PTPRA: variants seen among roughly 807,000 people sequenced by gnomAD.
PTPRA encodes the protein protein tyrosine phosphatase receptor type A, also known as receptor-type tyrosine-protein phosphatase alpha.
PTPRA carries 25 observed loss-of-function variants against 104.8 expected under a neutral mutation model. That is an observed-to-expected ratio of 0.24 (90% CI 0.17 to 0.33). The LOEUF (loss-of-function observed/expected upper bound fraction) is 0.33. PTPRA is among the 10% of genes least tolerant of loss of function. PTPRA has a pLI of 1.00. For synonymous variants in PTPRA, 323 were observed against 368.9 expected (o/e 0.88, Z 1.43); for missense variants, 765 against 1,015.3 (o/e 0.75, Z 3.35).
At chr20:2,910,593 TTTTTTTG>T (rs1409264725) in intron 1 of PTPRA, among the ~76,000 whole-genome samples, 1 of 127,116 alleles carries the variant, frequency 7.9e-6, no homozygotes, top group Non-Finnish European at 1.6e-5. Flanking sequence ...TTTTTTGTTT[TTTTTTTG>T]TTTTTTTTAA....
chr20:2,902,925 A>G (rs1002504588), intron 1 of PTPRA, among the ~76,000 whole-genome samples: 1 of 152,144 alleles, frequency 6.6e-6, no homozygotes, highest in African/African-American at 2.4e-5. Flanking sequence ...ATGGATTTTG[A>G]AGCTGGGCTG....
intron 3 of PTPRA, among the ~76,000 whole-genome samples, chr20:2,960,158 G>A (rs575968501): frequency 2.2e-4 from 34 of 151,894 alleles, no homozygotes; most frequent in African/African-American, 7.0e-4. Flanking sequence ...GTCTACCATT[G>A]TAGTATCATA....
At position 3,037,382 on chromosome 20, in the gene PTPRA, G is replaced by T; in HGVS notation, c.2334+93G>T. On this transcript the variant is annotated intron_variant, in intron 23 of 23. Coordinates refer to ENST00000399903, the MANE Select transcript of PTPRA (RefSeq NM_001385305.1). The surrounding 1 kb of genome is among the most constrained non-coding windows in gnomAD (Gnocchi z 4.3). ...TTCAGAGGGGCCCACCCAGTAGTCA[G>T]AAGACTGTCTAAACACAGACCTGCC... 1 of 1,551,182 alleles carries T rather than the reference G, an allele frequency of 6.4e-7. No individual in the cohort carries two copies. Among genetic ancestry groups the T allele is most frequent in the Non-Finnish European group, 8.7e-7 (1 of 1,150,764 alleles).
intron 1 of PTPRA, among the ~76,000 whole-genome samples, chr20:2,883,334 A>G (rs1161237): frequency 0.64 from 96,393 of 151,128 alleles, 32,446 homozygotes; most frequent in East Asian, 0.86. Flanking sequence ...TAGTGAGTGA[A>G]AAAGGAACTA....
At chr20:2,877,417 A>G (rs1282301660) in intron 1 of PTPRA, among the ~76,000 whole-genome samples, 3 of 152,002 alleles carry the variant, frequency 2.0e-5, no homozygotes. Context: ...GTGTCACTGT[A>G]CCTGGCTAAT....
intron 12 of PTPRA, among the ~76,000 whole-genome samples, chr20:3,017,179 G>A (rs1226333497): frequency 6.6e-6 from 1 of 151,628 alleles, no homozygotes; most frequent in Admixed American, 6.6e-5. Context: ...TTTTATCTTG[G>A]GATCCTTCTA....
At chr20:3,021,542 A>G in intron 14 of PTPRA, 114 bp downstream of exon 14, 1 of 1,403,562 alleles carries the variant, frequency 7.1e-7, no homozygotes, top group Non-Finnish European at 9.7e-7. Flanking sequence ...CAGTATGTGA[A>G]TTCTGAAACC....
chr20:2,957,014 A>C (rs1480026449), intron 3 of PTPRA, among the ~76,000 whole-genome samples: 2 of 152,190 alleles, frequency 1.3e-5, no homozygotes, highest in African/African-American at 4.8e-5. Flanking sequence ...AGCCAGGCGC[A>C]GTGGCTCACG....
intron 18 of PTPRA, 50 bp downstream of exon 18, chr20:3,026,830 C>T (rs779201677): frequency 1.6e-5 from 23 of 1,423,670 alleles, no homozygotes; most frequent in Middle Eastern, 1.8e-4. Context: ...TCCCTCAATT[C>T]CCTCCACCCC....
rs577931543 is a variant in PTPRA, at chr20:2,927,647, C to T, written c.-50+4362C>T. Among the ~76,000 whole-genome samples the T allele has an allele frequency of 1.1e-4, 17 of 152,168 alleles. No homozygotes were observed. In the South Asian group the frequency reaches 3.1e-3, roughly 28 times the overall value. On this transcript the variant is annotated intron_variant, in intron 2 of 23. Transcript: ENST00000399903. ...ATTTTCCTTACTGGTTTTTCTTTGA[C>T]GGGGGTGCAGGGGAGGTTGGGTCCA...
intron 1 of PTPRA, among the ~76,000 whole-genome samples, chr20:2,878,714 A>T (rs1352831655): frequency 6.6e-6 from 1 of 152,216 alleles, no homozygotes; most frequent in East Asian, 1.9e-4. Context: ...AGTTTCCAGC[A>T]CTATCAGCAA....
intron 6 of PTPRA, among the ~76,000 whole-genome samples, chr20:2,981,172 G>A (rs2062659137): frequency 6.6e-6 from 1 of 152,104 alleles, no homozygotes; most frequent in Non-Finnish European, 1.5e-5. Context: ...GAGACACTCA[G>A]GGAAATTCAA....
At chr20:2,946,905 A>G (rs139707413) in intron 2 of PTPRA, among the ~76,000 whole-genome samples, 1 of 152,212 alleles carries the variant, frequency 6.6e-6, no homozygotes, top group Admixed American at 6.5e-5. Flanking sequence ...ATGAATCAAA[A>G]TGAAGAGAAG....
intron 1 of PTPRA, among the ~76,000 whole-genome samples, chr20:2,911,081 G>A (rs978870474): frequency 1.3e-5 from 2 of 151,814 alleles, no homozygotes; most frequent in Admixed American, 1.3e-4. Flanking sequence ...TTGATGTTAG[G>A]AATTTTTAGT....
At chr20:2,991,727 C>T (rs1454692061) in intron 9 of PTPRA, among the ~76,000 whole-genome samples, 1 of 152,148 alleles carries the variant, frequency 6.6e-6, no homozygotes, top group African/African-American at 2.4e-5. Context: ...CCATGGCAAC[C>T]GTGTTCACGA....
At chr20:2,983,568 CAAAAAA>C (rs58694839) in intron 6 of PTPRA, among the ~76,000 whole-genome samples, 3 of 93,418 alleles carry the variant, frequency 3.2e-5, no homozygotes, top group African/African-American at 1.2e-4. Flanking sequence ...AAAAAAAATG[CAAAAAA>C]AAAAAAAAAA....
chr20:3,005,117 A>G lies in PTPRA; in HGVS notation c.800A>G (p.Glu267Gly), dbSNP rs1267223667. 5.6e-6 allele frequency: 9 copies of G among 1,608,288 alleles called. No homozygotes were observed. Among genetic ancestry groups the G allele is most frequent in the East Asian group, 4.5e-5 (2 of 44,870 alleles). Residue 267 changes from glutamate (E) to glycine (G), a missense_variant, in exon 10 of 24, where the codon GAA (glutamate) becomes GGA (glycine). Physicochemically the swap from Glu to Gly is moderately conservative, Grantham distance 98. Coordinates refer to ENST00000399903, the MANE Select transcript of PTPRA (RefSeq NM_001385305.1). ...GCTGCTTCCAAGGAGGAAAACAAGG[A>G]AAAAAATCGATATGTAAACATCTTG... The part of the protein sequence containing the change: ...CEAASKEENK[E>G]KNRYVNILPY...
chr20:3,020,601 T>C (rs1568701576), intron 13 of PTPRA, among the ~76,000 whole-genome samples: 1 of 152,206 alleles, frequency 6.6e-6, no homozygotes, highest in Non-Finnish European at 1.5e-5. Context: ...GGCTACCAAG[T>C]GCATGCCTGG....
intron 6 of PTPRA, among the ~76,000 whole-genome samples, chr20:2,981,821 G>T (rs1226013540): frequency 6.6e-6 from 1 of 152,118 alleles, no homozygotes; most frequent in Non-Finnish European, 1.5e-5. Flanking sequence ...GGCCCAAACT[G>T]GTAGAACTAG....
Sources: gnomAD v4.1 joint callset for allele counts (sites outside exome capture counted in the v4.1 genomes callset) on GRCh38, gnomAD v4.1.1 for gene constraint, Gnocchi (gnomAD v3.1) non-coding constraint, MANE v1.5 for transcripts, NCBI Gene and HGNC (gene_info 2026-07-23, HGNC 2026-07-21) for gene names.